The following OSBP2 variants were observed in gnomAD, a reference collection of about 807,000 sequenced individuals.
The protein encoded by OSBP2 is oxysterol binding protein 2, also known as oxysterol-binding protein 2.
Under a neutral mutation model 96.0 loss-of-function variants are expected in OSBP2, and 66 were observed. The observed-to-expected ratio is 0.69, with a 90% CI of 0.56 to 0.84. The LOEUF (loss-of-function observed/expected upper bound fraction) is 0.84, where lower values mean the gene tolerates loss of function less well. OSBP2 is among the 40% of genes least tolerant of loss of function. OSBP2 has a pLI of 0.00. For synonymous variants in OSBP2, 525 were observed against 520.9 expected (o/e 1.01, Z -0.11); for missense variants, 1,038 against 1,222.7 (o/e 0.85, Z 2.25).
At chr22:30,696,230 CCACTGAAA>C (rs1454339190) in intron 1 of OSBP2, among the ~76,000 whole-genome samples, 3 of 152,310 alleles carry the variant, frequency 2.0e-5, no homozygotes, top group Admixed American at 2.0e-4. Context: ...CACTGTCTTC[CCACTGAAA>C]CTGGTTGAAA....
At chr22:30,694,626 C>T (rs1238053577), upstream of OSBP2, among the ~76,000 whole-genome samples, 6 of 98 alleles carry the variant, frequency 0.061, no homozygotes, top group African/African-American at 0.15. Context: ...GCGCGCCATC[C>T]CCTTCGGAGT....
At chr22:30,824,976 G>C (rs559729443) in intron 2 of OSBP2, among the ~76,000 whole-genome samples, 2 of 152,170 alleles carry the variant, frequency 1.3e-5, no homozygotes, top group African/African-American at 4.8e-5. Flanking sequence ...GTCTGTGCCC[G>C]TCTGTGATTC....
At chr22:30,902,302 G>C (rs1602448526) in intron 12 of OSBP2, 2 of 1,582,466 alleles carry the variant, frequency 1.3e-6, no homozygotes, top group Non-Finnish European at 1.7e-6. Flanking sequence ...TCAGCATAAG[G>C]AGTGTACGGG....
At chr22:30,873,962 T>C (rs924610954) in intron 3 of OSBP2, among the ~76,000 whole-genome samples, 1 of 151,958 alleles carries the variant, frequency 6.6e-6, no homozygotes, top group African/African-American at 2.4e-5. Context: ...GGTGGTTGGG[T>C]GTGGTGGCTC....
intron 2 of OSBP2, among the ~76,000 whole-genome samples, chr22:30,835,916 A>T (rs57021529): frequency 6.6e-6 from 1 of 151,490 alleles, no homozygotes; most frequent in African/African-American, 2.4e-5. Context: ...GTGGGGTTTC[A>T]CTATGTTGCC....
intron 2 of OSBP2, among the ~76,000 whole-genome samples, chr22:30,784,644 A>G (rs2090563066): frequency 6.6e-6 from 1 of 152,192 alleles, no homozygotes; most frequent in African/African-American, 2.4e-5. Context: ...GTTTTCTAAA[A>G]GTGTATCTGA....
intron 12 of OSBP2, 128 bp downstream of exon 12, chr22:30,894,129 T>TG: frequency 1.4e-6 from 1 of 703,284 alleles, no homozygotes. Context: ...AACAGTATTA[T>TG]GCAGCCGACA....
intron 2 of OSBP2, among the ~76,000 whole-genome samples, chr22:30,763,436 C>G (rs2145776255): frequency 6.6e-6 from 1 of 152,248 alleles, no homozygotes; most frequent in Admixed American, 6.5e-5. Flanking sequence ...CACTTGAGGT[C>G]AGAAGTTCAA....
At chr22:30,796,855 A>G (rs902969238) in intron 2 of OSBP2, among the ~76,000 whole-genome samples, 3 of 152,380 alleles carry the variant, frequency 2.0e-5, no homozygotes, top group South Asian at 2.1e-4. Flanking sequence ...AACGTTTACC[A>G]TATTAACCAC....
chr22:30,757,175 A>G (rs9609077), intron 2 of OSBP2, among the ~76,000 whole-genome samples: 14,753 of 152,104 alleles, frequency 0.097, 760 homozygotes, highest in Middle Eastern at 0.17. Context: ...GCTACTCTGT[A>G]TATTTTCACT....
Position 30,856,373 on chromosome 22 carries a change from C to CTTTT in OSBP2, c.854-14029_854-14026dup, listed in dbSNP as rs56875088. Among the ~76,000 whole-genome samples the CTTTT allele has an allele frequency of 1.2e-3, 125 of 101,410 alleles. 4 individuals carry two copies. Among genetic ancestry groups the CTTTT allele is most frequent in the East Asian group, 3.5e-3 (12 of 3,412 alleles). The allele number at this position is 101,410 out of a possible 152,430, so 66.5% of individuals were successfully genotyped here. A position where few individuals can be genotyped will look rare whatever the true frequency, so the allele number is the denominator to read the frequency against. Reference sequence around the variant, plus strand: ...CTTGGCAGTTGGAAACAGAGCCCTTCTTTTTTTTTTTTTTTTTTTTTTTTT... The same window carrying CTTTT: ...CTTGGCAGTTGGAAACAGAGCCCTTCTTTTTTTTTTTTTTTTTTTTTTTTTTTTT... On this transcript the variant is annotated intron_variant, in intron 2 of 13. Coordinates refer to ENST00000332585, the MANE Select transcript of OSBP2 (RefSeq NM_030758.4).
intron 2 of OSBP2, among the ~76,000 whole-genome samples, chr22:30,793,925 C>A (rs1474373219): frequency 6.6e-6 from 1 of 152,160 alleles, no homozygotes; most frequent in Non-Finnish European, 1.5e-5. Flanking sequence ...CCCAAGTGTT[C>A]ATTTATGATG....
intron 2 of OSBP2, among the ~76,000 whole-genome samples, chr22:30,852,268 C>T (rs915386240): frequency 1.3e-5 from 2 of 152,064 alleles, no homozygotes; most frequent in African/African-American, 4.8e-5. Context: ...GTAGAATTTG[C>T]CAGGGCCACC....
At chr22:30,822,818 T>G in intron 2 of OSBP2, 3 of 922,296 alleles carry the variant, frequency 3.3e-6, no homozygotes, top group Non-Finnish European at 4.5e-6. Context: ...CTGATGTCAC[T>G]CCCTCGCGGC....
At chr22:30,739,450 C>G (rs951369355) in intron 1 of OSBP2, among the ~76,000 whole-genome samples, 9 of 152,164 alleles carry the variant, frequency 5.9e-5, no homozygotes, top group Non-Finnish European at 1.3e-4. Context: ...ATGGCAGGAT[C>G]CCAACCTGCT....
intron 1 of OSBP2, among the ~76,000 whole-genome samples, chr22:30,710,714 G>A (rs989816255): frequency 6.6e-6 from 1 of 151,880 alleles, no homozygotes; most frequent in African/African-American, 2.4e-5. Context: ...AGGTTCAAGC[G>A]ATTCTCCTGT....
intron 2 of OSBP2, among the ~76,000 whole-genome samples, chr22:30,813,735 C>T (rs1450235105): frequency 6.6e-6 from 1 of 151,890 alleles, no homozygotes; most frequent in Non-Finnish European, 1.5e-5. Flanking sequence ...TAGCACCAGC[C>T]TTGTGTAGGG....
intron 2 of OSBP2, among the ~76,000 whole-genome samples, chr22:30,752,089 C>T (rs937222721): frequency 6.6e-6 from 1 of 152,086 alleles, no homozygotes; most frequent in Non-Finnish European, 1.5e-5. Context: ...AGCCCAGGAC[C>T]AGGTGTTGGA....
chr22:30,694,160 T>C (rs1289196482), upstream of OSBP2: 11 of 1,550,298 alleles, frequency 7.1e-6, no homozygotes, highest in Admixed American at 5.9e-5. Context: ...GAGATGTTTC[T>C]TGTACTAAAA....
Sources: gnomAD v4.1 joint callset for allele counts (sites outside exome capture counted in the v4.1 genomes callset) on GRCh38, gnomAD v4.1.1 for gene constraint, MANE v1.5 for transcripts, NCBI Gene and HGNC (gene_info 2026-07-23, HGNC 2026-07-21) for gene names.